Variants in GREB1L observed in about 807,000 individuals in gnomAD.
GREB1L encodes the protein GREB1 like retinoic acid receptor coactivator, also known as GREB1-like protein.
In GREB1L, 17 loss-of-function variants were observed where a neutral mutation model predicts 200.8. That is an observed-to-expected ratio of 0.08 (90% CI 0.06 to 0.13). GREB1L has a LOEUF of 0.13. Among genes scored for constraint, GREB1L ranks in the 10% least tolerant of loss-of-function variants. The probability of loss-of-function intolerance (pLI) is 1.00; values close to 1 mark genes in which losing one functional copy is unlikely to be tolerated. For synonymous variants in GREB1L, 789 were observed against 893.0 expected, an observed-to-expected ratio of 0.88 and a Z score of 2.08; for missense variants, 1,657 against 2,367.7, an observed-to-expected ratio of 0.70 and a Z score of 6.23.
chr18:21,338,599 C>T (rs988429608), intron 1 of GREB1L, among the ~76,000 whole-genome samples: 20 of 152,202 alleles, frequency 1.3e-4, no homozygotes, highest in African/African-American at 4.6e-4. Context: ...CAGGGCTGAC[C>T]CACTCCACCT....
intron 3 of GREB1L, among the ~76,000 whole-genome samples, chr18:21,383,968 C>T (rs1314527646): frequency 1.3e-5 from 2 of 152,126 alleles, no homozygotes; most frequent in Non-Finnish European, 2.9e-5. Flanking sequence ...CCCGCCTCCG[C>T]CTCCCAAAGT....
At chr18:21,369,035 T>G (rs1386298206) in intron 2 of GREB1L, among the ~76,000 whole-genome samples, 1 of 152,234 alleles carries the variant, frequency 6.6e-6, no homozygotes, top group Non-Finnish European at 1.5e-5. Context: ...TATTTAGTTA[T>G]CTATGCCTTT....
At chr18:21,278,393 T>TAAA (rs571865908) in intron 1 of GREB1L, among the ~76,000 whole-genome samples, 39 of 80,900 alleles carry the variant, frequency 4.8e-4, no homozygotes, top group Admixed American at 1.1e-3. Flanking sequence ...AAAAAAAAAA[T>TAAA]AAATAAATAA....
chr18:21,432,711 T>TC (rs1191368529), intron 7 of GREB1L, among the ~76,000 whole-genome samples: 2 of 141,992 alleles, frequency 1.4e-5, no homozygotes, highest in African/African-American at 5.3e-5. Flanking sequence ...TTTTCTTTTT[T>TC]TTTTTTTTTT....
chr18:21,479,318 C>A (rs2035829131), intron 17 of GREB1L, among the ~76,000 whole-genome samples: 1 of 152,156 alleles, frequency 6.6e-6, no homozygotes, highest in Admixed American at 6.5e-5. Flanking sequence ...GAAGAAGGAC[C>A]AATAGCCTCT....
intron 4 of GREB1L, among the ~76,000 whole-genome samples, chr18:21,386,528 A>T (rs1328854408): frequency 6.7e-6 from 1 of 148,470 alleles, no homozygotes; most frequent in African/African-American, 2.5e-5. Context: ...TGACCTCATG[A>T]TCCACCCTCC....
At chr18:21,507,323 G>A (rs556741835) in intron 25 of GREB1L, among the ~76,000 whole-genome samples, 55 of 152,210 alleles carry the variant, frequency 3.6e-4, no homozygotes, top group African/African-American at 1.3e-3. Flanking sequence ...CATTTCTGAG[G>A]CAGAATAAAC....
chr18:21,495,259 T>C (rs2036500372), intron 19 of GREB1L, among the ~76,000 whole-genome samples: 1 of 152,228 alleles, frequency 6.6e-6, no homozygotes, highest in East Asian at 1.9e-4. Flanking sequence ...TTTTGAGTCA[T>C]TCACAACTGA....
At chr18:21,315,459 C>A (rs192479761) in intron 1 of GREB1L, among the ~76,000 whole-genome samples, 1 of 152,110 alleles carries the variant, frequency 6.6e-6, no homozygotes, top group African/African-American at 2.4e-5. Context: ...CAGAGTATGT[C>A]ATAAGAAATA....
At chr18:21,356,460 A>G (rs1204249332) in intron 1 of GREB1L, among the ~76,000 whole-genome samples, 2 of 152,174 alleles carry the variant, frequency 1.3e-5, no homozygotes, top group Non-Finnish European at 2.9e-5. Flanking sequence ...CACTTAATAT[A>G]ATATCCTTCA....
intron 7 of GREB1L, among the ~76,000 whole-genome samples, chr18:21,434,378 A>G (rs1476417737): frequency 6.6e-6 from 1 of 151,892 alleles, no homozygotes; most frequent in African/African-American, 2.4e-5. Context: ...CAGGAGGCTG[A>G]GGCAGGAGAA....
intron 1 of GREB1L, among the ~76,000 whole-genome samples, chr18:21,309,749 A>G (rs2038761358): frequency 6.6e-6 from 1 of 152,114 alleles, no homozygotes; most frequent in African/African-American, 2.4e-5. Flanking sequence ...TGAGCAAAAC[A>G]TAACCCATAG....
chr18:21,344,172 C>A (rs914676745), intron 1 of GREB1L, among the ~76,000 whole-genome samples: 1 of 152,130 alleles, frequency 6.6e-6, no homozygotes, highest in Non-Finnish European at 1.5e-5. Context: ...GAGGCCAAGG[C>A]GGGCGGATCA....
chr18:21,404,110 T>G (rs1349656813), intron 7 of GREB1L, 116 bp downstream of exon 7: 2 of 889,830 alleles, frequency 2.2e-6, no homozygotes, highest in Non-Finnish European at 3.4e-6. Flanking sequence ...ATAAAGGTAT[T>G]ACTTGAGTTA....
At chr18:21,315,236 C>T (rs1360498713) in intron 1 of GREB1L, among the ~76,000 whole-genome samples, 3 of 152,092 alleles carry the variant, frequency 2.0e-5, no homozygotes, top group Non-Finnish European at 2.9e-5. Context: ...ACTACAGGCA[C>T]GCACCACCAT....
At chr18:21,518,649 A>G (rs1350678950) in intron 31 of GREB1L, among the ~76,000 whole-genome samples, 2 of 152,230 alleles carry the variant, frequency 1.3e-5, no homozygotes, top group Admixed American at 6.5e-5. Context: ...CTTCAAAGAC[A>G]TACAATGTCT....
At chr18:21,424,743 G>A (rs188959777) in intron 7 of GREB1L, among the ~76,000 whole-genome samples, 35 of 152,194 alleles carry the variant, frequency 2.3e-4, no homozygotes, top group East Asian at 9.6e-4. Flanking sequence ...TTATGCAATC[G>A]TCACCGCAGT....
intron 1 of GREB1L, among the ~76,000 whole-genome samples, chr18:21,282,413 T>C (rs2038284906): frequency 6.6e-6 from 1 of 152,234 alleles, no homozygotes; most frequent in South Asian, 2.1e-4. Context: ...GAAATCCACT[T>C]TCATAATAAA....
chr18:21,316,268 C>G (rs1388680796), intron 1 of GREB1L, among the ~76,000 whole-genome samples: 1 of 152,086 alleles, frequency 6.6e-6, no homozygotes, highest in African/African-American at 2.4e-5. Context: ...ATTCTGTCGC[C>G]AGGCTGGAGT....
Sources: gnomAD v4.1 joint callset for allele counts (sites outside exome capture counted in the v4.1 genomes callset) on GRCh38, gnomAD v4.1.1 for gene constraint, MANE v1.5 for transcripts, NCBI Gene and HGNC (gene_info 2026-07-23, HGNC 2026-07-21) for gene names.